NID1: variants seen among roughly 807,000 people sequenced by gnomAD.
The protein encoded by NID1 is nidogen 1, also known as nidogen-1.
In NID1, 76 loss-of-function variants were observed where a neutral mutation model predicts 130.6. The ratio of observed to expected loss-of-function variants is 0.58; its 90% CI spans 0.48 to 0.70. The LOEUF (loss-of-function observed/expected upper bound fraction) is 0.70. NID1 is among the 30% of genes least tolerant of loss of function. NID1 has a pLI of 0.00. For missense variants in NID1, 1,517 were observed against 1,664.8 expected, an observed-to-expected ratio of 0.91 and a Z score of 1.54; for synonymous variants, 665 against 675.1, an observed-to-expected ratio of 0.98 and a Z score of 0.23.
chr1:235,986,304 G>A (rs779278096), intron 14 of NID1, among the ~76,000 whole-genome samples: 2 of 152,024 alleles, frequency 1.3e-5, no homozygotes, highest in Non-Finnish European at 2.9e-5. Context: ...AGAAAGTCAT[G>A]GGGAATCTAT....
At chr1:236,010,483 A>C (rs1187618969) in intron 12 of NID1, among the ~76,000 whole-genome samples, 1 of 152,020 alleles carries the variant, frequency 6.6e-6, no homozygotes, top group African/African-American at 2.4e-5. Context: ...TTTTTTGTAG[A>C]AACAGGGTCT....
intron 9 of NID1, among the ~76,000 whole-genome samples, chr1:236,021,410 G>A (rs558114462): frequency 4.6e-5 from 7 of 152,266 alleles, no homozygotes; most frequent in South Asian, 4.1e-4. Context: ...TGCACTATGC[G>A]CACAAGTTCC....
At chr1:236,008,444 A>AGACCAGATGACACTATGCATTATTT (rs1459247824) in intron 12 of NID1, among the ~76,000 whole-genome samples, 22 of 152,342 alleles carry the variant, frequency 1.4e-4, no homozygotes, top group Non-Finnish European at 1.5e-5. Flanking sequence ...AGGCACCAGG[A>AGACCAGATGACACTATGCATTATTT]GACCAGATGA....
At chr1:236,018,639 G>C (rs2102820941) in intron 9 of NID1, among the ~76,000 whole-genome samples, 1 of 152,356 alleles carries the variant, frequency 6.6e-6, no homozygotes, top group South Asian at 2.1e-4. Context: ...CATACTCAGA[G>C]TGTAGACAGC....
chr1:236,030,487 G>A (rs1349245890), intron 6 of NID1, among the ~76,000 whole-genome samples: 3 of 152,136 alleles, frequency 2.0e-5, no homozygotes, highest in African/African-American at 7.2e-5. Flanking sequence ...CAAAAGAACA[G>A]TATTTCATGG....
At chr1:236,002,757 G>C (rs531461164) in intron 12 of NID1, among the ~76,000 whole-genome samples, 1 of 152,144 alleles carries the variant, frequency 6.6e-6, no homozygotes, top group Non-Finnish European at 1.5e-5. Context: ...CAGGCTCAGC[G>C]ATCACTCCGC....
chr1:235,996,202 TG>T (rs1372711289), intron 12 of NID1, among the ~76,000 whole-genome samples: 10 of 152,124 alleles, frequency 6.6e-5, no homozygotes, highest in Non-Finnish European at 1.2e-4. Flanking sequence ...CCTACTTGAC[TG>T]TGCTGGGGGA....
At chr1:236,013,021 C>T (rs1658478762) in intron 11 of NID1, among the ~76,000 whole-genome samples, 1 of 152,168 alleles carries the variant, frequency 6.6e-6, no homozygotes, top group South Asian at 2.1e-4. Flanking sequence ...AAGGTTAGAA[C>T]AAGCCAGTTG....
chr1:236,039,582 T>A (rs1659388006), intron 4 of NID1, among the ~76,000 whole-genome samples: 2 of 152,120 alleles, frequency 1.3e-5, no homozygotes, highest in African/African-American at 4.8e-5. Flanking sequence ...TTTATTAGAA[T>A]CATGAACTAG....
rs1659132781 is a variant in NID1 at position 236,032,647 on chromosome 1, G to A, written c.1291C>T (p.Pro431Ser). The A allele has an allele frequency of 6.2e-7, 1 of 1,613,890 alleles. No individual in the cohort carries two copies. The highest frequency in any genetic ancestry group is 8.5e-7 in the Non-Finnish European group (1 of 1,180,010). The change falls in exon 6 of 20, where the codon CCC becomes TCC. Residue 431 changes from proline to serine, a missense_variant. By Grantham distance (74) the Pro-to-Ser change is moderately conservative (BLOSUM62 -1). This residue lies in a region of NID1 where 1,329 missense variants were observed against 1,429.2 expected (regional missense o/e 0.93). Coordinates refer to ENST00000264187, the MANE Select transcript of NID1 (RefSeq NM_002508.3). ...NGRQCVAEGS[P>S]QRVNGKVKGR... Reference sequence around the variant, plus strand: ...TTCACCTTGCCATTGACTCGCTGGGGGGAACCTGAGCAAGAAAACAAAGAA... The same window carrying A: ...TTCACCTTGCCATTGACTCGCTGGGAGGAACCTGAGCAAGAAAACAAAGAA...
At chr1:236,025,847 T>C (rs1247354151) in intron 8 of NID1, 49 bp downstream of exon 8, 1 of 1,587,620 alleles carries the variant, frequency 6.3e-7, no homozygotes, top group Non-Finnish European at 8.6e-7. Context: ...AGAGTGGGGT[T>C]TTAAAAATGC....
At chr1:236,028,686 A>G (rs7548358) in intron 7 of NID1, among the ~76,000 whole-genome samples, 39 of 109,636 alleles carry the variant, frequency 3.6e-4, no homozygotes, top group East Asian at 1.7e-3. Context: ...TGGTCAGTAT[A>G]CATATATATA....
Position 236,048,921 on chromosome 1 carries a change from T to A in NID1, c.294A>T (p.Pro98=). 1 of 1,614,052 alleles carries A rather than the reference T, an allele frequency of 6.2e-7. No homozygotes were observed. The highest frequency in any genetic ancestry group is 8.5e-7 in the Non-Finnish European group (1 of 1,180,000). The change falls in exon 2 of 20, where the codon CCA becomes CCT. Residue 98 remains proline, a synonymous_variant. Transcript: ENST00000264187. ...PAKESHPGLF[P]PTFGAVAPFL... is the part of the protein sequence containing the mutation. The stretch of plus-strand genomic sequence containing the variant: ...AAGGGGCGACTGCACCGAATGTTGG[T>A]GGGAAGAGCCCGGGATGGGATTCTT...
chr1:236,061,723 TCAA>T (rs1660042570), intron 1 of NID1, among the ~76,000 whole-genome samples: 1 of 151,492 alleles, frequency 6.6e-6, no homozygotes, highest in Admixed American at 6.6e-5. Flanking sequence ...GAGGCCCTTC[TCAA>T]CAATTAAAAA....
At chr1:236,027,566 C>T (rs181826116) in intron 7 of NID1, among the ~76,000 whole-genome samples, 229 of 152,310 alleles carry the variant, frequency 1.5e-3, no homozygotes, top group African/African-American at 5.1e-3. Context: ...CGATGGCTCA[C>T]GCCTGTAATC....
At chr1:236,014,859 T>A (rs1658540934) in intron 10 of NID1, among the ~76,000 whole-genome samples, 1 of 152,190 alleles carries the variant, frequency 6.6e-6, no homozygotes, top group African/African-American at 2.4e-5. Context: ...CACATCAAGC[T>A]GACTTATGGG....
chr1:236,046,393 C>G (rs578203098), intron 2 of NID1, among the ~76,000 whole-genome samples: 1 of 152,100 alleles, frequency 6.6e-6, no homozygotes, highest in Admixed American at 6.6e-5. Flanking sequence ...ATTCTGTAAT[C>G]GAAACATTTG....
chr1:236,009,225 G>A (rs190266322), intron 12 of NID1, among the ~76,000 whole-genome samples: 15 of 152,204 alleles, frequency 9.9e-5, no homozygotes, highest in Non-Finnish European at 1.6e-4. Flanking sequence ...TTATAATAGC[G>A]TCCCCAAAGA....
intron 8 of NID1, 105 bp from the exon 9 acceptor site, chr1:236,024,318 C>T (rs116324777): frequency 0.015 from 19,858 of 1,365,710 alleles, 193 homozygotes; most frequent in Middle Eastern, 0.024. Flanking sequence ...AAGGTGATCA[C>T]AGAAGAGCAG....
Sources: allele counts gnomAD v4.1 joint callset (sites outside exome capture counted in the v4.1 genomes callset), GRCh38; gene constraint gnomAD v4.1.1; regional missense constraint gnomAD v4.1.1; transcripts MANE v1.5; gene names NCBI Gene and HGNC (gene_info 2026-07-23, HGNC 2026-07-21).